RYR2: variants seen among roughly 807,000 people sequenced by gnomAD.
RYR2 encodes the protein cardiac muscle ryanodine receptor-calcium release channel.
In RYR2, 227 loss-of-function variants were observed where a neutral mutation model predicts 601.1. That is an observed-to-expected ratio of 0.38 (90% confidence interval 0.34 to 0.42). The LOEUF is 0.42. Among genes scored for constraint, RYR2 ranks in the 10% least tolerant of loss-of-function variants. RYR2 has a pLI of 1.00. For missense variants in RYR2, 4,646 were observed against 6,156.5 expected (o/e 0.75, Z 8.21); for synonymous variants, 2,223 against 2,175.1 (o/e 1.02, Z -0.61).
intron 79 of RYR2, 119 bp downstream of exon 79, chr1:237,733,875 A>C (rs1690908851): frequency 1.4e-6 from 1 of 722,898 alleles, no homozygotes; most frequent in Admixed American, 2.5e-5. Context: ...TGTAGCATGA[A>C]TCTCCGTTCT....
In RYR2 at chr1:237,382,553, T is replaced by G. The variant is rs186581461; in HGVS notation, c.577-4728T>G. ...CCCCCCACCCCACAACAGGCCCCGG[T>G]GTGTGATGTTCCCCTTCCTGTGTCT... On this transcript the variant is annotated intron_variant, in intron 8 of 104. Coordinates refer to ENST00000366574, the MANE Select transcript of RYR2 (RefSeq NM_001035.3). Among the ~76,000 whole-genome samples the G allele has an allele frequency of 2.2e-3, 263 of 118,148 alleles. 1 individual carries two copies. Among genetic ancestry groups the G allele is most frequent in the African/African-American group, 6.6e-3 (204 of 30,780 alleles). The allele number at this position is 118,148 out of a possible 152,430, so 77.5% of individuals were successfully genotyped here. A position where few individuals can be genotyped will look rare whatever the true frequency, so the allele number is the denominator to read the frequency against.
At chr1:237,141,332 T>G (rs1673366484) in intron 1 of RYR2, among the ~76,000 whole-genome samples, 1 of 152,202 alleles carries the variant, frequency 6.6e-6, no homozygotes, top group African/African-American at 2.4e-5. Flanking sequence ...ATCTTCTTAT[T>G]CCTTGTTTGG....
At chr1:237,394,166 G>A (rs967852251) in intron 10 of RYR2, among the ~76,000 whole-genome samples, 9 of 152,118 alleles carry the variant, frequency 5.9e-5, no homozygotes, top group African/African-American at 1.9e-4. Flanking sequence ...AGAAAGAGAA[G>A]CATCTTCTTT....
chr1:237,796,137 G>A (rs927963662), intron 96 of RYR2, among the ~76,000 whole-genome samples: 42 of 151,824 alleles, frequency 2.8e-4, no homozygotes, highest in African/African-American at 8.9e-4. Context: ...GTCGCACTGC[G>A]CTAGTGCATC....
chr1:237,792,638 C>G (rs1430544388), intron 94 of RYR2, among the ~76,000 whole-genome samples: 1 of 152,128 alleles, frequency 6.6e-6, no homozygotes, highest in African/African-American at 2.4e-5. Flanking sequence ...GCATTGGAGC[C>G]TGGCCTTTTT....
intron 2 of RYR2, among the ~76,000 whole-genome samples, chr1:237,288,039 A>G (rs180855461): frequency 2.0e-5 from 3 of 152,146 alleles, no homozygotes; most frequent in African/African-American, 7.2e-5. Context: ...TTTCTTATGG[A>G]TGTGGCTTCC....
chr1:237,273,379 C>T (rs74147221), intron 2 of RYR2, among the ~76,000 whole-genome samples: 8,501 of 152,198 alleles, frequency 0.056, 825 homozygotes, highest in African/African-American at 0.2. Context: ...TGCTCACTTC[C>T]GGCTCTGTGG....
rs202020477 is a variant in RYR2 at position 237,655,915 on chromosome 1, G to A, written c.8060G>A (p.Ser2687Asn). ...PPDYMESNYV[S>N]MMEKQSSMDS... is the part of the protein sequence containing the mutation. ...GACTACATGGAGTCAAATTATGTCA[G>A]TATGATGGAAAAACAGTCATCAATG... Residue 2687 changes from serine (S) to asparagine (N), a missense_variant, in exon 53 of 105, where the codon AGT (serine) becomes AAT (asparagine). Ser to Asn is a conservative substitution (Grantham distance 46). This residue lies in a region of RYR2 where 1,497 missense variants were observed against 1,842.6 expected (regional missense o/e 0.81). Transcript: ENST00000366574. The A allele has an allele frequency of 3.5e-5, 56 of 1,612,824 alleles. No homozygotes were observed. In the African/African-American group the frequency reaches 5.9e-4, roughly 17 times the overall value.
chr1:237,472,543 G>T (rs1660849648), intron 17 of RYR2, among the ~76,000 whole-genome samples: 1 of 152,114 alleles, frequency 6.6e-6, no homozygotes, highest in South Asian at 2.1e-4. Context: ...TAGGTGAATA[G>T]TTAAATTATA....
At chr1:237,632,043 G>T (rs1558100023) in intron 42 of RYR2, among the ~76,000 whole-genome samples, 1 of 150,726 alleles carries the variant, frequency 6.6e-6, no homozygotes, top group Non-Finnish European at 1.5e-5. Flanking sequence ...CGTACTACTA[G>T]TTTTTTTTTC....
chr1:237,820,708 G>A (rs1312122395), intron 101 of RYR2, among the ~76,000 whole-genome samples: 1 of 152,166 alleles, frequency 6.6e-6, no homozygotes, highest in Non-Finnish European at 1.5e-5. Flanking sequence ...GCTGAAACCA[G>A]GGAGCCAAGT....
In RYR2 at chr1:237,791,422, C is replaced by T; in HGVS notation, c.13477-7C>T. Reference sequence around the variant, plus strand: ...AGTGACCTTTTCATAATGTTTTTCACCCTCAGAACTATTTTGCTCGCAACT... The same window carrying T: ...AGTGACCTTTTCATAATGTTTTTCATCCTCAGAACTATTTTGCTCGCAACT... On this transcript the variant is annotated splice_polypyrimidine_tract_variant and splice_region_variant and intron_variant, in intron 92 of 104. Transcript: ENST00000366574. The T allele has an allele frequency of 6.6e-7, 1 of 1,504,754 alleles. No individual in the cohort carries two copies. Among genetic ancestry groups the T allele is most frequent in the Non-Finnish European group, 9.1e-7 (1 of 1,095,390 alleles). 93.2% of individuals were successfully genotyped at this position (1,504,754 alleles called of 1,614,324 possible).
At chr1:237,525,178 G>A (rs1418691216) in intron 24 of RYR2, among the ~76,000 whole-genome samples, 1 of 152,000 alleles carries the variant, frequency 6.6e-6, no homozygotes, top group Non-Finnish European at 1.5e-5. Context: ...ATATCTGTGT[G>A]TATCCACTTT....
intron 30 of RYR2, 34 bp downstream of exon 30, chr1:237,590,035 A>G (rs545998830): frequency 6.4e-7 from 1 of 1,565,052 alleles, no homozygotes; most frequent in African/African-American, 1.4e-5. Context: ...GGCCATTTCT[A>G]AAAAGCAGGA....
chr1:237,473,332 G>T (rs1240853229), intron 17 of RYR2, among the ~76,000 whole-genome samples: 1 of 152,070 alleles, frequency 6.6e-6, no homozygotes. Context: ...GCCGAGGCAT[G>T]AGAATCGCTT....
intron 1 of RYR2, among the ~76,000 whole-genome samples, chr1:237,147,580 A>G (rs1674160694): frequency 6.6e-6 from 1 of 152,226 alleles, no homozygotes; most frequent in Non-Finnish European, 1.5e-5. Flanking sequence ...ATTGGTGATC[A>G]CATTTTAAGT....
In RYR2 at chr1:237,631,412, C is replaced by T. The variant is rs747176905; in HGVS notation, c.6441-15C>T. ...TGCTCTGAGCTTTACCCCATACGTCCATTGTCCTTTCTAGGGATATTATGA... is the reference window on the plus strand; with the variant it reads ...TGCTCTGAGCTTTACCCCATACGTCTATTGTCCTTTCTAGGGATATTATGA... On this transcript the variant is annotated splice_polypyrimidine_tract_variant and intron_variant, in intron 41 of 104. Coordinates refer to ENST00000366574, the MANE Select transcript of RYR2 (RefSeq NM_001035.3). The T allele has an allele frequency of 2.5e-5, 39 of 1,532,294 alleles. No homozygotes were observed. The highest frequency in any genetic ancestry group is 3.3e-5 in the Non-Finnish European group (37 of 1,107,356). 94.9% of individuals were successfully genotyped at this position (1,532,294 alleles called of 1,614,324 possible).
intron 3 of RYR2, among the ~76,000 whole-genome samples, chr1:237,351,157 A>G (rs1381704894): frequency 6.6e-6 from 1 of 152,134 alleles, no homozygotes; most frequent in Non-Finnish European, 1.5e-5. Flanking sequence ...AAATTATAAG[A>G]TATTTTAAAT....
At chr1:237,409,773 C>A (rs1304045836) in intron 10 of RYR2, among the ~76,000 whole-genome samples, 3 of 152,054 alleles carry the variant, frequency 2.0e-5, no homozygotes, top group African/African-American at 7.2e-5. Flanking sequence ...GATATGGCTT[C>A]TTCTTTGTCC....
Sources: allele counts gnomAD v4.1 joint callset (sites outside exome capture counted in the v4.1 genomes callset), GRCh38; gene constraint gnomAD v4.1.1; regional missense constraint gnomAD v4.1.1; transcripts MANE v1.5; gene names NCBI Gene and HGNC (gene_info 2026-07-23, HGNC 2026-07-21).